The following DPP10 variants were observed in gnomAD, a reference collection of about 807,000 sequenced individuals.
The protein encoded by DPP10 is inactive dipeptidyl peptidase 10.
A neutral mutation model predicts 120.9 loss-of-function variants in DPP10; 33 were observed. That is an observed-to-expected ratio of 0.27 (90% CI 0.21 to 0.37). The LOEUF (loss-of-function observed/expected upper bound fraction) is 0.37. Among genes scored for constraint, DPP10 ranks in the 10% least tolerant of loss-of-function variants. The pLI is 1.00. For missense variants in DPP10, 816 were observed against 942.8 expected, an observed-to-expected ratio of 0.87 and a Z score of 1.76; for synonymous variants, 337 against 326.1, an observed-to-expected ratio of 1.03 and a Z score of -0.36.
chr2:115,167,365 G>A (rs149290962), intron 1 of DPP10, among the ~76,000 whole-genome samples: 4 of 151,446 alleles, frequency 2.6e-5, no homozygotes, highest in African/African-American at 9.7e-5. Context: ...CTAGACCAGC[G>A]TGGGCAACGT....
intron 1 of DPP10, among the ~76,000 whole-genome samples, chr2:114,548,502 AG>A (rs1687606038): frequency 6.6e-6 from 1 of 152,150 alleles, no homozygotes; most frequent in Non-Finnish European, 1.5e-5. Context: ...GGCTAGTTAC[AG>A]GCTGCTTGTG....
chr2:114,966,662 A>C lies in DPP10; in HGVS notation c.61-342577A>C, dbSNP rs1699055472. Among the ~76,000 whole-genome samples the C allele has an allele frequency of 2.0e-5, 3 of 152,226 alleles. No homozygotes were observed. In the South Asian group the frequency reaches 6.2e-4, roughly 32 times the overall value. ...CACATGGACTAAGACAGCACCACAC[A>C]CAACAATGCAAAAGCCATTTATGAT... On this transcript the variant is annotated intron_variant, in intron 1 of 25. Transcript: ENST00000410059.
intron 5 of DPP10, among the ~76,000 whole-genome samples, chr2:115,549,343 C>G (rs1013327988): frequency 6.6e-6 from 1 of 152,146 alleles, no homozygotes; most frequent in Non-Finnish European, 1.5e-5. Context: ...GTCCAACACC[C>G]TTTGTCCTTT....
At chr2:114,812,766 G>A (rs530736531) in intron 1 of DPP10, among the ~76,000 whole-genome samples, 1 of 152,016 alleles carries the variant, frequency 6.6e-6, no homozygotes, top group African/African-American at 2.4e-5. Flanking sequence ...GTTTTTGTCT[G>A]TCATAAGCAT....
At chr2:114,704,696 A>G (rs142741558) in intron 1 of DPP10, among the ~76,000 whole-genome samples, 4 of 152,290 alleles carry the variant, frequency 2.6e-5, no homozygotes, top group African/African-American at 9.6e-5. Context: ...ATAGATTTCA[A>G]ATGTGAAGTA....
intron 3 of DPP10, among the ~76,000 whole-genome samples, chr2:115,445,057 G>A (rs1372971553): frequency 1.3e-5 from 2 of 152,058 alleles, no homozygotes; most frequent in African/African-American, 4.8e-5. Context: ...AGATCTGATG[G>A]TTTTATAAGT....
intron 5 of DPP10, among the ~76,000 whole-genome samples, chr2:115,641,066 C>T (rs1033278534): frequency 2.6e-5 from 4 of 152,104 alleles, no homozygotes; most frequent in Non-Finnish European, 5.9e-5. Flanking sequence ...ATATGATATA[C>T]ATACAGGAAA....
intron 3 of DPP10, among the ~76,000 whole-genome samples, chr2:115,462,643 T>C (rs925945708): frequency 1.2e-4 from 19 of 152,196 alleles, no homozygotes; most frequent in Non-Finnish European, 1.5e-5. Context: ...CTCACACATA[T>C]ATAAAATAAA....
intron 1 of DPP10, among the ~76,000 whole-genome samples, chr2:114,797,976 G>A (rs533299820): frequency 3.3e-4 from 51 of 152,294 alleles, no homozygotes; most frequent in African/African-American, 1.1e-3. Flanking sequence ...TGGGCTCCTT[G>A]TCATTCTGTG....
At chr2:114,455,191 G>T (rs1274139081) in intron 1 of DPP10, among the ~76,000 whole-genome samples, 24 of 121,604 alleles carry the variant, frequency 2.0e-4, no homozygotes, top group Admixed American at 1.5e-3. Context: ...TGTGTGTTTG[G>T]GGGTGGTGGC....
At chr2:115,516,534 T>C (rs555927629) in intron 4 of DPP10, among the ~76,000 whole-genome samples, 33 of 151,098 alleles carry the variant, frequency 2.2e-4, no homozygotes, top group Non-Finnish European at 3.8e-4. Flanking sequence ...TCAAGAAATA[T>C]TGATATTCTA....
chr2:115,019,809 C>A (rs1702936996), intron 1 of DPP10, among the ~76,000 whole-genome samples: 1 of 152,210 alleles, frequency 6.6e-6, no homozygotes, highest in Admixed American at 6.5e-5. Flanking sequence ...AGATTAACAG[C>A]AGATTTCTCA....
Position 115,499,570 on chromosome 2 carries a change from A to C in DPP10, c.332A>C (p.Asn111Thr), listed in dbSNP as rs762772381. 2.5e-5 allele frequency: 41 copies of C among 1,611,658 alleles called. No individual in the cohort carries two copies. The highest frequency in any genetic ancestry group is 3.4e-5 in the Non-Finnish European group (40 of 1,178,544). Residue 111 changes from asparagine to threonine, a missense_variant, in exon 4 of 26, where the codon AAT (asparagine) becomes ACT (threonine). This residue lies in a region of DPP10 where 182 missense variants were observed against 207.4 expected (regional missense o/e 0.88). Transcript: ENST00000410059. ...GHVIKLNIET[N>T]ATTLLLENTT... ...GTCATTAAACTGAATATAGAAACAAATGCTACCACATTATTATTGGAAAAC... is the reference window on the plus strand; with the variant it reads ...GTCATTAAACTGAATATAGAAACAACTGCTACCACATTATTATTGGAAAAC...
intron 7 of DPP10, among the ~76,000 whole-genome samples, chr2:115,702,127 G>A (rs535849604): frequency 6.6e-6 from 1 of 152,058 alleles, no homozygotes; most frequent in South Asian, 2.1e-4. Flanking sequence ...GTGACACAAT[G>A]ACCTTGAGGA....
At chr2:115,661,863 T>G (rs538996761) in intron 5 of DPP10, among the ~76,000 whole-genome samples, 27 of 152,328 alleles carry the variant, frequency 1.8e-4, no homozygotes, top group African/African-American at 6.5e-4. Context: ...CTATCATCTA[T>G]TTTTGTGTGA....
chr2:114,595,849 G>A (rs763815804), intron 1 of DPP10, among the ~76,000 whole-genome samples: 15 of 152,140 alleles, frequency 9.9e-5, no homozygotes, highest in Non-Finnish European at 1.9e-4. Flanking sequence ...TGGATGACCT[G>A]AATGTCCTCA....
intron 21 of DPP10, among the ~76,000 whole-genome samples, chr2:115,835,235 T>C (rs1246017344): frequency 6.6e-6 from 1 of 151,708 alleles, no homozygotes; most frequent in African/African-American, 2.4e-5. Context: ...ATCTCTAGAG[T>C]AGATCTCAAA....
intron 5 of DPP10, among the ~76,000 whole-genome samples, chr2:115,650,762 G>T (rs961494626): frequency 1.3e-5 from 2 of 151,864 alleles, no homozygotes; most frequent in African/African-American, 2.4e-5. Flanking sequence ...ATGCATTTTT[G>T]CCCATGGTCT....
In DPP10 at chr2:115,615,001, C is replaced by T. The variant is rs370392228; in HGVS notation, c.442-74686C>T. 2.0e-5 allele frequency among the ~76,000 whole-genome samples: 3 copies of T among 152,166 alleles called. 1 individual carries two copies. Among genetic ancestry groups the T allele is most frequent in the African/African-American group, 7.2e-5 (3 of 41,520 alleles). On this transcript the variant is annotated intron_variant, in intron 5 of 25. Transcript: ENST00000410059. ...AATATAAATTATTATTACCTATGTC[C>T]ACATGCAGAGGCAGAGGAAAAGAGA...
Sources: gnomAD v4.1 joint callset for allele counts (sites outside exome capture counted in the v4.1 genomes callset) on GRCh38, gnomAD v4.1.1 for gene constraint, gnomAD v4.1.1 regional missense constraint, MANE v1.5 for transcripts, NCBI Gene and HGNC (gene_info 2026-07-23, HGNC 2026-07-21) for gene names.